CNTNAP2: variants seen among roughly 807,000 people sequenced by gnomAD.
CNTNAP2 encodes the protein contactin-associated protein-like 2.
In CNTNAP2, 98 loss-of-function variants were observed where a neutral mutation model predicts 155.2. The ratio of observed to expected loss-of-function variants is 0.63; its 90% CI spans 0.54 to 0.75. The LOEUF (loss-of-function observed/expected upper bound fraction) is 0.75. CNTNAP2 is among the 30% of genes least tolerant of loss of function. CNTNAP2 has a pLI of 0.00. For missense variants in CNTNAP2, 1,727 were observed against 1,688.1 expected (o/e 1.02, Z -0.40); for synonymous variants, 651 against 631.2 (o/e 1.03, Z -0.47).
chr7:146,453,254 C>T (rs182590203), intron 1 of CNTNAP2, among the ~76,000 whole-genome samples: 1 of 152,308 alleles, frequency 6.6e-6, no homozygotes, highest in East Asian at 1.9e-4. Context: ...GGAACAATTC[C>T]TGAAGCTCGC....
chr7:146,359,714 A>G (rs1383111637), intron 1 of CNTNAP2, among the ~76,000 whole-genome samples: 13 of 152,178 alleles, frequency 8.5e-5, no homozygotes, highest in Admixed American at 8.5e-4. Flanking sequence ...ATGTAATAGC[A>G]TATTTTATGA....
intron 14 of CNTNAP2, among the ~76,000 whole-genome samples, chr7:147,951,767 C>A (rs533656870): frequency 3.7e-4 from 56 of 151,328 alleles, no homozygotes; most frequent in Non-Finnish European, 5.7e-4. Flanking sequence ...GGGGGCCTGT[C>A]CGGGGGTAGA....
intron 22 of CNTNAP2, among the ~76,000 whole-genome samples, chr7:148,397,862 T>C (rs972144736): frequency 2.0e-5 from 3 of 152,242 alleles, no homozygotes; most frequent in Non-Finnish European, 4.4e-5. Flanking sequence ...CCATTTCACC[T>C]GTCAGGAAGC....
chr7:147,520,033 G>T (rs1562977694), intron 11 of CNTNAP2, among the ~76,000 whole-genome samples: 1 of 152,080 alleles, frequency 6.6e-6, no homozygotes, highest in African/African-American at 2.4e-5. Flanking sequence ...AACTTTCAAG[G>T]AGTCATTGAA....
Position 146,411,927 on chromosome 7 carries a change from C to A in CNTNAP2, c.97+294954C>A, listed in dbSNP as rs575809148. 3.8e-3 allele frequency among the ~76,000 whole-genome samples: 584 copies of A among 151,998 alleles called. 3 individuals carry two copies. Among genetic ancestry groups the A allele is most frequent in the Non-Finnish European group, 6.1e-3 (414 of 67,980 alleles). On this transcript the variant is annotated intron_variant, in intron 1 of 23. Transcript: ENST00000361727. ...TCTCAGCTCACTACAACATCCGCCTCCCTGGTTCAAGTGATTCTCCTGCCT... is the reference window on the plus strand; with the variant it reads ...TCTCAGCTCACTACAACATCCGCCTACCTGGTTCAAGTGATTCTCCTGCCT...
rs1798022471 is a variant in CNTNAP2 at position 148,331,716 on chromosome 7, CGGATGGATTGGAT to C, written c.3476-51925_3476-51913del. The stretch of plus-strand genomic sequence containing the variant: ...GGATGGAGTGGATGGATGGAGTGGA[CGGATGGATTGGAT>C]GGATGGAGTGGATGGATGGAACGGA... On this transcript the variant is annotated intron_variant, in intron 21 of 23. Coordinates refer to ENST00000361727, the MANE Select transcript of CNTNAP2 (RefSeq NM_014141.6). 9.9e-3 allele frequency among the ~76,000 whole-genome samples: 318 copies of C among 32,150 alleles called. 3 individuals are homozygous for C. The highest frequency in any genetic ancestry group is 0.015 in the Middle Eastern group (1 of 66). 21.1% of individuals were successfully genotyped at this position (32,150 alleles called of 152,430 possible).
At chr7:146,397,969 G>T (rs912413368) in intron 1 of CNTNAP2, among the ~76,000 whole-genome samples, 4 of 151,318 alleles carry the variant, frequency 2.6e-5, no homozygotes, top group African/African-American at 7.3e-5. Flanking sequence ...AAATTCTTGG[G>T]CTCAAGCGAT....
intron 8 of CNTNAP2, among the ~76,000 whole-genome samples, chr7:147,273,451 C>G (rs1804807951): frequency 6.6e-6 from 1 of 151,912 alleles, no homozygotes; most frequent in South Asian, 2.1e-4. Context: ...TACTAGGGCA[C>G]CCATCACCCG....
Position 146,603,350 on chromosome 7 carries a change from T to C in CNTNAP2, c.98-170921T>C, listed in dbSNP as rs991152577. On this transcript the variant is annotated intron_variant, in intron 1 of 23. Transcript: ENST00000361727. ...TGGTGTGAACCCAGGAGGCGGAACT[T>C]GCAGTGAGCCGAGACCGCGCCACTG... 6.0e-5 allele frequency among the ~76,000 whole-genome samples: 9 copies of C among 150,500 alleles called. No individual in the cohort carries two copies. The East Asian group carries it at 1.6e-3, about 26-fold the overall frequency.
chr7:146,411,945 T>A (rs1795872783), intron 1 of CNTNAP2, among the ~76,000 whole-genome samples: 1 of 151,990 alleles, frequency 6.6e-6, no homozygotes, highest in Non-Finnish European at 1.5e-5. Flanking sequence ...CAAGTGATTC[T>A]CCTGCCTCAA....
chr7:147,626,681 G>A (rs1794984009), intron 12 of CNTNAP2, among the ~76,000 whole-genome samples: 1 of 152,110 alleles, frequency 6.6e-6, no homozygotes, highest in Non-Finnish European at 1.5e-5. Context: ...TGCTGTCTTG[G>A]AAACACCACC....
chr7:147,604,445 T>C (rs945025193), intron 12 of CNTNAP2, among the ~76,000 whole-genome samples: 21 of 152,202 alleles, frequency 1.4e-4, no homozygotes, highest in African/African-American at 5.1e-4. Context: ...AGCCAGTGGG[T>C]GTACCTTCCA....
intron 4 of CNTNAP2, among the ~76,000 whole-genome samples, chr7:147,074,934 C>T (rs1294967713): frequency 6.6e-6 from 1 of 151,978 alleles, no homozygotes; most frequent in Non-Finnish European, 1.5e-5. Flanking sequence ...TTAGACAATA[C>T]ATTTATAACC....
intron 18 of CNTNAP2, among the ~76,000 whole-genome samples, chr7:148,203,450 AGAAATGAATGTGGGCC>A (rs1795398091): frequency 6.6e-6 from 1 of 152,230 alleles, no homozygotes; most frequent in African/African-American, 2.4e-5. Flanking sequence ...TATTTCATCG[AGAAATGAATGTGGGCC>A]AGGCAAGGTG....
Position 148,266,994 on chromosome 7 carries a change from G to A in CNTNAP2, c.3382-39G>A, listed in dbSNP as rs767274371. 3.8e-6 allele frequency: 6 copies of A among 1,580,382 alleles called. No homozygotes were observed. The Admixed American group carries it at 5.0e-5, about 13-fold the overall frequency. On this transcript the variant is annotated intron_variant, in intron 20 of 23. Coordinates refer to ENST00000361727, the MANE Select transcript of CNTNAP2 (RefSeq NM_014141.6). Reference sequence around the variant, plus strand: ...AAGATTTGGTTCCACACAGGGTAGAGACGTGCTTCTAAAAGTGTCTCTTGT... The same window carrying A: ...AAGATTTGGTTCCACACAGGGTAGAAACGTGCTTCTAAAAGTGTCTCTTGT...
intron 15 of CNTNAP2, among the ~76,000 whole-genome samples, chr7:148,057,465 A>G (rs1186406790): frequency 6.6e-6 from 1 of 152,206 alleles, no homozygotes; most frequent in Non-Finnish European, 1.5e-5. Flanking sequence ...AGAAGAACTC[A>G]GGGTAAAATA....
chr7:146,133,179 T>G (rs1797743368), intron 1 of CNTNAP2, among the ~76,000 whole-genome samples: 1 of 152,164 alleles, frequency 6.6e-6, no homozygotes, highest in African/African-American at 2.4e-5. Context: ...ATGAGCATTT[T>G]TTCATGTGTT....
rs535354365 is a variant in CNTNAP2, at chr7:148,344,937, A to C, written c.3476-38712A>C. On this transcript the variant is annotated intron_variant, in intron 21 of 23. Transcript: ENST00000361727. ...GAGACCTAAGAGGGCAGCACAGTCC[A>C]TGCCGCGATTTAGCCATGAGCTGGG... Among the ~76,000 whole-genome samples the C allele has an allele frequency of 2.0e-4, 30 of 152,362 alleles. 1 individual carries two copies. The highest frequency in any genetic ancestry group is 1.0e-3 in the South Asian group (5 of 4,822).
chr7:147,383,389 T>C (rs1276333265), intron 9 of CNTNAP2, among the ~76,000 whole-genome samples: 3 of 152,248 alleles, frequency 2.0e-5, no homozygotes, highest in Non-Finnish European at 4.4e-5. Flanking sequence ...TTCTCTCTGA[T>C]ATCATATGGA....
Sources: gnomAD v4.1 joint callset for allele counts (sites outside exome capture counted in the v4.1 genomes callset) on GRCh38, gnomAD v4.1.1 for gene constraint, MANE v1.5 for transcripts, NCBI Gene and HGNC (gene_info 2026-07-23, HGNC 2026-07-21) for gene names.